The following HOMEZ variants were observed in gnomAD, a reference collection of about 807,000 sequenced individuals.
HOMEZ encodes homeobox and leucine zipper protein Homez.
In HOMEZ, 20 loss-of-function variants were observed where a neutral mutation model predicts 50.1. The ratio of observed to expected loss-of-function variants is 0.40; its 90% CI spans 0.28 to 0.58. The LOEUF is 0.58. Ranked by LOEUF, HOMEZ falls within the 20% of genes least tolerant of loss-of-function variation. The pLI is 0.46. For missense variants in HOMEZ, 579 were observed against 680.5 expected (o/e 0.85, Z 1.66); for synonymous variants, 239 against 254.7 (o/e 0.94, Z 0.59).
At position 23,276,367 on chromosome 14, in the gene HOMEZ, A is replaced by G. The variant is rs1886357246; in HGVS notation, c.861T>C (p.Ser287=). 1.9e-6 allele frequency: 3 copies of G among 1,613,894 alleles called. No individual in the cohort carries two copies. Among genetic ancestry groups the G allele is most frequent in the Admixed American group, 1.7e-5 (1 of 60,000 alleles). ...CCAGTACCTGGAAAGAAGAAGAGGT[A>G]GAGGAAGAAGAGGGAGTAACACTAG... ...SASSVTPSSS[S]TSSSFQVLAN... The change falls in exon 2 of 2, where the codon TCT becomes TCC. Residue 287 remains serine (S), a synonymous_variant. Coordinates refer to ENST00000357460, the MANE Select transcript of HOMEZ (RefSeq NM_020834.3). This position sits in a 1 kb window ranked among gnomAD's most constrained non-coding sequence, Gnocchi z 4.1.
Position 23,272,814 on chromosome 14 carries a change from C to T in HOMEZ, c.*2761G>A, listed in dbSNP as rs1048886837. 1 of 1,544,876 alleles carries T rather than the reference C, an allele frequency of 6.5e-7. No individual in the cohort carries two copies. The highest frequency in any genetic ancestry group is 1.4e-5 in the African/African-American group (1 of 72,952). On this transcript the variant is annotated 3_prime_UTR_variant, in exon 2 of 2. Transcript: ENST00000357460. ...ACACCCACATCTACCTTCTTGTCCT[C>T]TGCTGCAGACTCTCTACCAACAACG...
In HOMEZ at chr14:23,274,543, A is replaced by C. The variant is rs1409663792; in HGVS notation, c.*1032T>G. Reference sequence around the variant, plus strand: ...GCTCGGTGGGGGAAGATTTTCCCTGAGACAAACAATGAACAGAGTGAGGAT... The same window carrying C: ...GCTCGGTGGGGGAAGATTTTCCCTGCGACAAACAATGAACAGAGTGAGGAT... On this transcript the variant is annotated 3_prime_UTR_variant, in exon 2 of 2. Coordinates refer to ENST00000357460, the MANE Select transcript of HOMEZ (RefSeq NM_020834.3). 1 of 152,654 alleles carries C rather than the reference A, an allele frequency of 6.6e-6. No homozygotes were observed. Among genetic ancestry groups the C allele is most frequent in the Non-Finnish European group, 1.5e-5 (1 of 68,056 alleles). 9.5% of individuals were successfully genotyped at this position (152,654 alleles called of 1,614,324 possible).
rs997218200 is a variant in HOMEZ, at chr14:23,272,604, T to C, written c.*2971A>G. Reference sequence around the variant, plus strand: ...TTAATTTTCAAATATTCATCCTTATTATTATCACCATAAGCTACTGAAATG... The same window carrying C: ...TTAATTTTCAAATATTCATCCTTATCATTATCACCATAAGCTACTGAAATG... On this transcript the variant is annotated 3_prime_UTR_variant, in exon 2 of 2. Coordinates refer to ENST00000357460, the MANE Select transcript of HOMEZ (RefSeq NM_020834.3). 20 of 560,040 alleles carry C rather than the reference T, an allele frequency of 3.6e-5. No individual in the cohort carries two copies. In the African/African-American group the frequency reaches 3.9e-4, roughly 11 times the overall value. The allele number at this position is 560,040 out of a possible 1,614,324, so 34.7% of individuals were successfully genotyped here. A position where few individuals can be genotyped will look rare whatever the true frequency, so the allele number is the denominator to read the frequency against.
Position 23,277,727 on chromosome 14 carries a change from T to C in HOMEZ, c.41-540A>G, listed in dbSNP as rs530243848. Among the ~76,000 whole-genome samples, 60 of 142,768 alleles carry C rather than the reference T, an allele frequency of 4.2e-4. 1 individual carries two copies. The South Asian group carries it at 0.012, about 28-fold the overall frequency. The allele number at this position is 142,768 out of a possible 152,430, so 93.7% of individuals were successfully genotyped here. Reference sequence around the variant, plus strand: ...CACCACTGCACTCCAGCCTGGGTGATAGAGTGAGACCCTATCAAAAAAAAA... The same window carrying C: ...CACCACTGCACTCCAGCCTGGGTGACAGAGTGAGACCCTATCAAAAAAAAA... On this transcript the variant is annotated intron_variant, in intron 1 of 1. Transcript: ENST00000357460.
Position 23,280,704 on chromosome 14 carries a change from T to TTTA in HOMEZ, c.41-3518_41-3517insTAA, listed in dbSNP as rs1555323525. Among the ~76,000 whole-genome samples the TTTA allele has an allele frequency of 2.5e-3, 215 of 86,530 alleles. 18 individuals carry two copies. Among genetic ancestry groups the TTTA allele is most frequent in the African/African-American group, 6.7e-3 (182 of 27,340 alleles). The allele number at this position is 86,530 out of a possible 152,430, so 56.8% of individuals were successfully genotyped here. A position where few individuals can be genotyped will look rare whatever the true frequency, so the allele number is the denominator to read the frequency against. On this transcript the variant is annotated intron_variant, in intron 1 of 1. Transcript: ENST00000357460. ...GTTATATTTTATTTTTATTTTTATATTTTTATTTTTATTTTATTTTATTTT... is the reference window on the plus strand; with the variant it reads ...GTTATATTTTATTTTTATTTTTATATTTATTTTATTTTTATTTTATTTTATTTT...
In HOMEZ at chr14:23,273,147, T is replaced by C; in HGVS notation, c.*2428A>G. 1 of 307,122 alleles carries C rather than the reference T, an allele frequency of 3.3e-6. No homozygotes were observed. The highest frequency in any genetic ancestry group is 6.0e-6 in the Non-Finnish European group (1 of 166,126). 19.0% of individuals were successfully genotyped at this position (307,122 alleles called of 1,614,324 possible). On this transcript the variant is annotated 3_prime_UTR_variant, in exon 2 of 2. Coordinates refer to ENST00000357460, the MANE Select transcript of HOMEZ (RefSeq NM_020834.3). ...GACACTGGTAGCTCCCCTCATTTCC[T>C]ACAATTTGGAACAAAGGTCAAAAAA...
chr14:23,273,008 T>C lies in HOMEZ; in HGVS notation c.*2567A>G, dbSNP rs1209403813. On this transcript the variant is annotated 3_prime_UTR_variant, in exon 2 of 2. Coordinates refer to ENST00000357460, the MANE Select transcript of HOMEZ (RefSeq NM_020834.3). Reference sequence around the variant, plus strand: ...CCTGCATTGTTTCCTAGTTTCACTCTGTACCTTATGCTCCCCCCATCTTTA... The same window carrying C: ...CCTGCATTGTTTCCTAGTTTCACTCCGTACCTTATGCTCCCCCCATCTTTA... The C allele has an allele frequency of 3.3e-6, 2 of 604,506 alleles. No homozygotes were observed. Among genetic ancestry groups the C allele is most frequent in the African/African-American group, 1.9e-5 (1 of 51,948 alleles). The allele number at this position is 604,506 out of a possible 1,614,324, so 37.4% of individuals were successfully genotyped here.
At chr14:23,278,038 AG>A (rs1331678548) in intron 1 of HOMEZ, among the ~76,000 whole-genome samples, 5 of 152,088 alleles carry the variant, frequency 3.3e-5, no homozygotes, top group Non-Finnish European at 7.3e-5. Flanking sequence ...CGTCTTGGCC[AG>A]GCTGGTCTTG....
chr14:23,285,623 A>T, intron 1 of HOMEZ: 2 of 350,022 alleles, frequency 5.7e-6, no homozygotes, highest in East Asian at 8.6e-5. Context: ...TGGGTCAGGG[A>T]ACAAAAAGTT....
rs1886377602 is a variant in HOMEZ at position 23,276,904 on chromosome 14, G to A, written c.324C>T (p.Leu108=). The change falls in exon 2 of 2, where the codon CTC becomes CTT. Residue 108 remains leucine, a synonymous_variant. Transcript: ENST00000357460. The surrounding 1 kb of genome is among the most constrained non-coding windows in gnomAD (Gnocchi z 4.1). ...KVKTWFMAQR[L]RCGISWSSEE... The stretch of plus-strand genomic sequence containing the variant: ...CAGATGACCAGCTAATACCACAGCG[G>A]AGGCGCTGGGCCATAAACCAAGTCT... 3.1e-6 allele frequency: 5 copies of A among 1,614,082 alleles called. No individual in the cohort carries two copies. The highest frequency in any genetic ancestry group is 3.4e-6 in the Non-Finnish European group (4 of 1,179,904).
In HOMEZ at chr14:23,285,915, C is replaced by A. The variant is rs868756051; in HGVS notation, c.38G>T (p.Cys13Phe). 4 of 1,246,822 alleles carry A rather than the reference C, an allele frequency of 3.2e-6. No individual in the cohort carries two copies. The highest frequency in any genetic ancestry group is 1.0e-6 in the Non-Finnish European group (1 of 986,950). 77.2% of individuals were successfully genotyped at this position (1,246,822 alleles called of 1,614,324 possible). A position where few individuals can be genotyped will look rare whatever the true frequency, so the allele number is the denominator to read the frequency against. ...CCAAGGGGCTGGGGATCACTCACCGCAGTCCAGCCCGGGCGGCGGCTCCCA... is the reference window on the plus strand; with the variant it reads ...CCAAGGGGCTGGGGATCACTCACCGAAGTCCAGCCCGGGCGGCGGCTCCCA... ...RGWEPPPGLDCAISEGHKSEG... is the reference protein window; with the variant it reads ...RGWEPPPGLDFAISEGHKSEG... Residue 13 changes from cysteine (C) to phenylalanine (F), a missense_variant and splice_region_variant, in exon 1 of 2, where the codon TGC (cysteine) becomes TTC (phenylalanine). Cys to Phe is a radical substitution (Grantham distance 205). Transcript: ENST00000357460.
chr14:23,282,376 C>A (rs192023191), intron 1 of HOMEZ, among the ~76,000 whole-genome samples: 2 of 152,048 alleles, frequency 1.3e-5, no homozygotes, highest in Admixed American at 1.3e-4. Flanking sequence ...AATTTGGATC[C>A]TTTGTGATCG....
Position 23,276,475 on chromosome 14 carries a change from G to C in HOMEZ, c.753C>G (p.Ser251=), listed in dbSNP as rs1348647883. The change falls in exon 2 of 2, where the codon TCC becomes TCG. Residue 251 remains serine (S), a synonymous_variant. Transcript: ENST00000357460. This position sits in a 1 kb window ranked among gnomAD's most constrained non-coding sequence, Gnocchi z 4.1. ...HGIGTASWNH[S]TTVPQPQARD... ...GAGCTTGTGGCTGGGGGACGGTTGT[G>C]GAGTGGTTCCAGGAAGCAGTACCTA... 1 of 1,613,932 alleles carries C rather than the reference G, an allele frequency of 6.2e-7. No homozygotes were observed. The highest frequency in any genetic ancestry group is 8.5e-7 in the Non-Finnish European group (1 of 1,179,912).
rs1407800253 is a variant in HOMEZ, at chr14:23,276,108, A to C, written c.1120T>G (p.Phe374Val). The C allele has an allele frequency of 6.2e-7, 1 of 1,614,002 alleles. No homozygotes were observed. Among genetic ancestry groups the C allele is most frequent in the Non-Finnish European group, 8.5e-7 (1 of 1,179,866 alleles). ...CGTGCCCACTGGCACTGTAAAAAAAAGGATTTAAGGATAGCCAGCTGCTCT... is the reference window on the plus strand; with the variant it reads ...CGTGCCCACTGGCACTGTAAAAAAACGGATTTAAGGATAGCCAGCTGCTCT... The part of the protein sequence containing the change: ...TKEQLAILKS[F>V]FLQCQWARRE... Residue 374 changes from phenylalanine (F) to valine (V), a missense_variant, in exon 2 of 2, where the codon TTT (phenylalanine) becomes GTT (valine). By Grantham distance (50) the Phe-to-Val change is conservative. Coordinates refer to ENST00000357460, the MANE Select transcript of HOMEZ (RefSeq NM_020834.3). The surrounding 1 kb of genome is among the most constrained non-coding windows in gnomAD (Gnocchi z 4.1).
At position 23,280,740 on chromosome 14, in the gene HOMEZ, ATTATT is replaced by A. The variant is rs1277086572; in HGVS notation, c.41-3558_41-3554del. Among the ~76,000 whole-genome samples the A allele has an allele frequency of 2.5e-3, 102 of 41,258 alleles. 8 individuals are homozygous for A. The highest frequency in any genetic ancestry group is 9.0e-3 in the Admixed American group (25 of 2,778). 27.1% of individuals were successfully genotyped at this position (41,258 alleles called of 152,430 possible). ...ATTTTATTTTATTTTATTTTATTTT[ATTATT>A]TTATTTTATTTTATTTTATTTTATT... On this transcript the variant is annotated intron_variant, in intron 1 of 1. Coordinates refer to ENST00000357460, the MANE Select transcript of HOMEZ (RefSeq NM_020834.3).
Position 23,286,074 on chromosome 14 carries a change from TC to T in HOMEZ, c.-123del. On this transcript the variant is annotated 5_prime_UTR_variant, in exon 1 of 2. Coordinates refer to ENST00000357460, the MANE Select transcript of HOMEZ (RefSeq NM_020834.3). ...GAAACCGGGACTGCCCCCCCCACCG[TC>T]CCCGGGAGCGCGCCGGTCTACCCAG... 8.1e-7 allele frequency: 1 copy of T among 1,230,364 alleles called. No individual in the cohort carries two copies. The highest frequency in any genetic ancestry group is 1.0e-6 in the Non-Finnish European group (1 of 986,972). 76.2% of individuals were successfully genotyped at this position (1,230,364 alleles called of 1,614,324 possible).
At chr14:23,284,298 C>G (rs1366450128) in intron 1 of HOMEZ, among the ~76,000 whole-genome samples, 2 of 152,164 alleles carry the variant, frequency 1.3e-5, no homozygotes, top group Non-Finnish European at 2.9e-5. Flanking sequence ...ATGGAATACT[C>G]AAGAATTCAA....
chr14:23,279,286 G>A (rs1396756972), intron 1 of HOMEZ, among the ~76,000 whole-genome samples: 1 of 152,004 alleles, frequency 6.6e-6, no homozygotes, highest in African/African-American at 2.4e-5. Flanking sequence ...CTATAGAAGG[G>A]TGCGCCCTCA....
In HOMEZ at chr14:23,274,524, TGGGGGAAG is replaced by T. The variant is rs1410140989; in HGVS notation, c.*1043_*1050del. The stretch of plus-strand genomic sequence containing the variant: ...TTATTAAAGTTTTTTACAAGCTCGG[TGGGGGAAG>T]ATTTTCCCTGAGACAAACAATGAAC... On this transcript the variant is annotated 3_prime_UTR_variant, in exon 2 of 2. Transcript: ENST00000357460. 3.9e-5 allele frequency: 6 copies of T among 152,580 alleles called. No homozygotes were observed. Among genetic ancestry groups the T allele is most frequent in the Non-Finnish European group, 5.9e-5 (4 of 68,028 alleles). 9.5% of individuals were successfully genotyped at this position (152,580 alleles called of 1,614,324 possible).
Sources: gnomAD v4.1 joint callset for allele counts (sites outside exome capture counted in the v4.1 genomes callset) on GRCh38, gnomAD v4.1.1 for gene constraint, Gnocchi (gnomAD v3.1) non-coding constraint, MANE v1.5 for transcripts, NCBI Gene and HGNC (gene_info 2026-07-23, HGNC 2026-07-21) for gene names.